Variants in ABCB5 observed in about 807,000 individuals in gnomAD.
ABCB5 encodes the protein ATP-binding cassette sub-family B member 5.
ABCB5 carries 155 observed loss-of-function variants against 144.2 expected under a neutral mutation model. The ratio of observed to expected loss-of-function variants is 1.08; its 90% CI spans 0.94 to 1.23. The LOEUF is 1.23. ABCB5 is among the 50% of genes most tolerant of loss of function. The pLI is 0.00. For synonymous variants in ABCB5, 610 were observed against 528.6 expected (o/e 1.15, Z -2.11); for missense variants, 1,830 against 1,520.8 (o/e 1.20, Z -3.38).
intron 20 of ABCB5, among the ~76,000 whole-genome samples, chr7:20,705,068 A>G (rs994412192): frequency 1.7e-4 from 26 of 152,258 alleles, no homozygotes; most frequent in African/African-American, 6.3e-4. Flanking sequence ...GACCAAGAAT[A>G]AGTTAGAAAA....
intron 5 of ABCB5, among the ~76,000 whole-genome samples, chr7:20,638,205 C>A (rs1316470166): frequency 1.3e-5 from 2 of 152,092 alleles, no homozygotes; most frequent in Non-Finnish European, 1.5e-5. Context: ...TGAAAAGATA[C>A]AAATGCACAA....
At chr7:20,647,739 G>T (rs928907688) in intron 10 of ABCB5, 91 bp downstream of exon 10, 10 of 1,501,542 alleles carry the variant, frequency 6.7e-6, no homozygotes, top group Non-Finnish European at 8.9e-6. Context: ...AAAACAATAG[G>T]ATGGACAAAT....
rs762540141 is a variant in ABCB5 at position 20,645,953 on chromosome 7, T to C, written c.804-8T>C. 1 of 1,612,770 alleles carries C rather than the reference T, an allele frequency of 6.2e-7. No individual in the cohort carries two copies. The highest frequency in any genetic ancestry group is 1.1e-5 in the South Asian group (1 of 90,844). The stretch of plus-strand genomic sequence containing the variant: ...AGTGGCTACTAAGTTGTGTTCTGTT[T>C]TTGTAAGGTATACACAGAATCTCAA... On this transcript the variant is annotated splice_polypyrimidine_tract_variant and splice_region_variant and intron_variant, in intron 8 of 27. Coordinates refer to ENST00000404938, the MANE Select transcript of ABCB5 (RefSeq NM_001163941.2).
In ABCB5 at chr7:20,643,319, G is replaced by T; in HGVS notation, c.450G>T (p.Gln150His). Residue 150 changes from glutamine (Q) to histidine (H), a missense_variant, in exon 6 of 28, where the codon CAG becomes CAT. Transcript: ENST00000404938. Reference sequence around the variant, plus strand: ...AGTTTTTTCATTCAGTTTTGGCACAGGACATCGGCTGGTTTGATAGCTGTG... The same window carrying T: ...AGTTTTTTCATTCAGTTTTGGCACATGACATCGGCTGGTTTGATAGCTGTG... ...RKQFFHSVLA[Q>H]DIGWFDSCDI... 6.2e-7 allele frequency: 1 copy of T among 1,613,984 alleles called. No individual in the cohort carries two copies. Among genetic ancestry groups the T allele is most frequent in the Non-Finnish European group, 8.5e-7 (1 of 1,179,886 alleles).
rs1195823443 is a variant in ABCB5, at chr7:20,723,116, T to C, written c.2522T>C (p.Ile841Thr). Residue 841 changes from isoleucine (I) to threonine (T), a missense_variant, in exon 21 of 28, where the codon ATT becomes ACT. Transcript: ENST00000404938. ...TATGGATGGGAGATGACATTCCTGA[T>C]TCTGAGTATTGCTCCAGTACTTGCC... Reference protein sequence around the residue: ...FIYGWEMTFLILSIAPVLAVT... With the variant: ...FIYGWEMTFLTLSIAPVLAVT... The C allele has an allele frequency of 1.2e-6, 2 of 1,614,168 alleles. No homozygotes were observed. Among genetic ancestry groups the C allele is most frequent in the Admixed American group, 1.7e-5 (1 of 60,022 alleles).
intron 26 of ABCB5, among the ~76,000 whole-genome samples, chr7:20,746,325 C>A (rs1782721605): frequency 6.6e-6 from 1 of 152,184 alleles, no homozygotes; most frequent in South Asian, 2.1e-4. Flanking sequence ...TCTCAAACTC[C>A]CGACCTCAGG....
chr7:20,681,783 T>G, intron 15 of ABCB5, 117 bp downstream of exon 15: 1 of 1,155,598 alleles, frequency 8.7e-7, no homozygotes, highest in Non-Finnish European at 1.2e-6. Flanking sequence ...CAACCAAGGT[T>G]TATAGTTCCT....
intron 16 of ABCB5, among the ~76,000 whole-genome samples, chr7:20,691,168 CTTTTTTTTTTTTTTTTTTTTT>C (rs58696871): frequency 2.2e-5 from 1 of 46,116 alleles, no homozygotes; most frequent in East Asian, 9.4e-4. Context: ...ACCCAGTGGA[CTTTTTTTTTTTTTTTTTTTTT>C]TTTTTTTTTT....
chr7:20,663,360 T>C (rs1025430093), intron 14 of ABCB5, among the ~76,000 whole-genome samples: 3 of 152,188 alleles, frequency 2.0e-5, no homozygotes, highest in Non-Finnish European at 4.4e-5. Context: ...TGTTTACAGA[T>C]AAATGGATAA....
chr7:20,737,289 G>A (rs186360150), intron 23 of ABCB5, among the ~76,000 whole-genome samples: 4 of 152,046 alleles, frequency 2.6e-5, no homozygotes, highest in East Asian at 1.9e-4. Flanking sequence ...TCCCACTTAC[G>A]TTTCTCTCAG....
chr7:20,660,285 A>G (rs1784961975), intron 14 of ABCB5: 2 of 985,260 alleles, frequency 2.0e-6, no homozygotes, highest in Admixed American at 6.1e-5. Flanking sequence ...GAAAATAATA[A>G]CAGCTATGTG....
chr7:20,626,833 G>A (rs570485067), intron 3 of ABCB5, among the ~76,000 whole-genome samples: 1 of 149,944 alleles, frequency 6.7e-6, no homozygotes, highest in African/African-American at 2.5e-5. Flanking sequence ...TAATGACTCA[G>A]TGTTTTAAAA....
Position 20,681,491 on chromosome 7 carries a change from A to C in ABCB5, c.1708-14A>C. ...ACTAATGTCTATTTATTTTCTATGC[A>C]TTTTATTCTGTAGGCGAGCAAAGGT... On this transcript the variant is annotated splice_polypyrimidine_tract_variant and intron_variant, in intron 14 of 27. Transcript: ENST00000404938. 2 of 1,613,496 alleles carry C rather than the reference A, an allele frequency of 1.2e-6. No individual in the cohort carries two copies. The highest frequency in any genetic ancestry group is 2.2e-5 in the South Asian group (2 of 91,020).
chr7:20,723,839 A>C (rs1020214187), intron 21 of ABCB5, among the ~76,000 whole-genome samples: 23 of 152,246 alleles, frequency 1.5e-4, no homozygotes, highest in Non-Finnish European at 2.8e-4. Flanking sequence ...CATATAAAAC[A>C]AGGCTTTAGA....
At chr7:20,676,461 A>G (rs902695943) in intron 14 of ABCB5, among the ~76,000 whole-genome samples, 2 of 152,202 alleles carry the variant, frequency 1.3e-5, no homozygotes, top group Admixed American at 1.3e-4. Context: ...ATGAATCTGA[A>G]TGACATTATG....
intron 23 of ABCB5, 78 bp downstream of exon 23, chr7:20,728,533 C>G: frequency 6.7e-7 from 1 of 1,492,990 alleles, no homozygotes; most frequent in Non-Finnish European, 9.1e-7. Flanking sequence ...GCGGGTGGAT[C>G]ACTTGAGGTC....
At chr7:20,710,951 G>A (rs955979719) in intron 20 of ABCB5, among the ~76,000 whole-genome samples, 7 of 149,618 alleles carry the variant, frequency 4.7e-5, no homozygotes, top group Admixed American at 4.0e-4. Flanking sequence ...ATAATGTTTT[G>A]TTTTGTTATT....
chr7:20,633,689 T>C (rs1018135405), intron 5 of ABCB5, among the ~76,000 whole-genome samples: 1 of 152,188 alleles, frequency 6.6e-6, no homozygotes, highest in African/African-American at 2.4e-5. Context: ...CATAGTTAAC[T>C]ATAGCACTAT....
Position 20,630,130 on chromosome 7 carries a change from T to C in ABCB5, c.259+1292T>C, listed in dbSNP as rs145142876. ...TTCCTATGCACTGATGTAATGACTA[T>C]GCAGTATTTTTTATCTGGTGGATAT... On this transcript the variant is annotated intron_variant, in intron 4 of 27. Coordinates refer to ENST00000404938, the MANE Select transcript of ABCB5 (RefSeq NM_001163941.2). Among the ~76,000 whole-genome samples, 204 of 152,312 alleles carry C rather than the reference T, an allele frequency of 1.3e-3. 4 individuals carry two copies. In the South Asian group the frequency reaches 0.025, roughly 19 times the overall value.
Sources: allele counts gnomAD v4.1 joint callset (sites outside exome capture counted in the v4.1 genomes callset), GRCh38; gene constraint gnomAD v4.1.1; transcripts MANE v1.5; gene names NCBI Gene and HGNC (gene_info 2026-07-23, HGNC 2026-07-21).